Variants in DLK2 observed in about 807,000 individuals in gnomAD.
DLK2 encodes the protein protein delta homolog 2.
Under a neutral mutation model 31.3 loss-of-function variants are expected in DLK2, and 9 were observed. The observed-to-expected ratio is 0.29, with a 90% CI of 0.17 to 0.50. The LOEUF is 0.50. DLK2 is among the 20% of genes least tolerant of loss of function. The probability of loss-of-function intolerance (pLI) is 0.98; values close to 1 mark genes in which losing one functional copy is unlikely to be tolerated. For synonymous variants in DLK2, 169 were observed against 201.2 expected (o/e 0.84, Z 1.35); for missense variants, 387 against 526.1 (o/e 0.74, Z 2.59).
Position 43,454,781 on chromosome 6 carries a change from G to A in DLK2, c.45C>T (p.Cys15=). 1.3e-6 allele frequency: 2 copies of A among 1,554,980 alleles called. No individual in the cohort carries two copies. Among genetic ancestry groups the A allele is most frequent in the Non-Finnish European group, 1.7e-6 (2 of 1,157,104 alleles). Residue 15 remains cysteine, a synonymous_variant, in exon 2 of 6, where the codon TGC becomes TGT. Transcript: ENST00000372488. The part of the protein sequence containing the change: ...CRCLHLVCLL[C]ILGAPGQPVR... ...CAGGCTGACCGGGAGCCCCCAGAAT[G>A]CACAACAGGCACACGAGATGCAGGC...
At chr6:43,455,141 G>C (rs2127425080) in intron 1 of DLK2, 1 of 970,214 alleles carries the variant, frequency 1.0e-6, no homozygotes, top group Non-Finnish European at 1.2e-6. Flanking sequence ...GGCTGGGGTT[G>C]GGATCGTAGT....
At chr6:43,452,178 G>C (rs1783789501) in intron 4 of DLK2, 94 bp from the exon 5 acceptor site, 8 of 1,552,364 alleles carry the variant, frequency 5.2e-6, no homozygotes, top group Non-Finnish European at 7.0e-6. Flanking sequence ...GGTTCTGTAG[G>C]TGTGGCTATA....
Position 43,451,108 on chromosome 6 carries a change from G to T in DLK2, c.583C>A (p.Arg195Ser), listed in dbSNP as rs370997475. 1.1e-5 allele frequency: 18 copies of T among 1,614,216 alleles called. No individual in the cohort carries two copies. Among genetic ancestry groups the T allele is most frequent in the Non-Finnish European group, 1.5e-5 (18 of 1,180,038 alleles). Reference sequence around the variant, plus strand: ...CCCTCAGGACAGAGGCAGGAGAAGCGGTTTATGCCGTCAAGGCAGGTGGCA... The same window carrying T: ...CCCTCAGGACAGAGGCAGGAGAAGCTGTTTATGCCGTCAAGGCAGGTGGCA... ...NGATCLDGINRFSCLCPEGFA... is the reference protein window; with the variant it reads ...NGATCLDGINSFSCLCPEGFA... The change falls in exon 6 of 6, where the codon CGC becomes AGC. Residue 195 changes from arginine to serine, a missense_variant. Coordinates refer to ENST00000372488, the MANE Select transcript of DLK2 (RefSeq NM_023932.4). This position sits in a 1 kb window ranked among gnomAD's most constrained non-coding sequence, Gnocchi z 4.4.
At chr6:43,455,130 T>G in intron 1 of DLK2, 4 of 973,000 alleles carry the variant, frequency 4.1e-6, no homozygotes, top group Non-Finnish European at 4.9e-6. Context: ...GGCGCGGGAA[T>G]GGCTGGGGTT....
rs575162146 is a variant in DLK2 at position 43,453,167 on chromosome 6, G to A, written c.141-32C>T. The A allele has an allele frequency of 1.3e-5, 21 of 1,565,628 alleles. No individual in the cohort carries two copies. The South Asian group carries it at 2.1e-4, about 15-fold the overall frequency. ...GGGAGAAGCACAGGGTCAGGGCTCT[G>A]GGTCATGGATGTGAAGAAATGGAGG... On this transcript the variant is annotated intron_variant, in intron 3 of 5. Transcript: ENST00000372488. This position sits in a 1 kb window ranked among gnomAD's most constrained non-coding sequence, Gnocchi z 4.1.
chr6:43,451,759 CA>C lies in DLK2; in HGVS notation c.416+180del, dbSNP rs1222310539. Among the ~76,000 whole-genome samples, 5 of 146,500 alleles carry C rather than the reference CA, an allele frequency of 3.4e-5. No individual in the cohort carries two copies. Among genetic ancestry groups the C allele is most frequent in the African/African-American group, 7.5e-5 (3 of 40,052 alleles). ...TGTTGAAGAAATGGCTCAGAAGGTA[CA>C]AAAAAAAAAGTTGAGAAACCCTGAA... On this transcript the variant is annotated intron_variant, in intron 5 of 5. Coordinates refer to ENST00000372488, the MANE Select transcript of DLK2 (RefSeq NM_023932.4). This position sits in a 1 kb window ranked among gnomAD's most constrained non-coding sequence, Gnocchi z 4.4.
rs1171874691 is a variant in DLK2 at position 43,451,227 on chromosome 6, G to A, written c.464C>T (p.Ala155Val). ...CAAGCAGCGGCACGTGAAGTTGAGA[G>A]CAAAGCCCTGGTCGTCCTGGCACTG... ...GGQCQDDQGF[A>V]LNFTCRCLVG... Residue 155 changes from alanine to valine, a missense_variant, in exon 6 of 6, where the codon GCT becomes GTT. Physicochemically the swap from Ala to Val is moderately conservative, Grantham distance 64. Transcript: ENST00000372488. This position sits in a 1 kb window ranked among gnomAD's most constrained non-coding sequence, Gnocchi z 4.4. 4 of 1,614,062 alleles carry A rather than the reference G, an allele frequency of 2.5e-6. No individual in the cohort carries two copies.
rs753645907 is a variant in DLK2 at position 43,451,906 on chromosome 6, A to G, written c.416+34T>C. Reference sequence around the variant, plus strand: ...TCATCCCATCACCAGGTTCTGGTCTAACCTTCCACTCACCCTGAGGGCCCA... The same window carrying G: ...TCATCCCATCACCAGGTTCTGGTCTGACCTTCCACTCACCCTGAGGGCCCA... On this transcript the variant is annotated intron_variant, in intron 5 of 5. Coordinates refer to ENST00000372488, the MANE Select transcript of DLK2 (RefSeq NM_023932.4). The surrounding 1 kb of genome is among the most constrained non-coding windows in gnomAD (Gnocchi z 4.4). The G allele has an allele frequency of 1.4e-5, 23 of 1,612,272 alleles. No individual in the cohort carries two copies. Among genetic ancestry groups the G allele is most frequent in the Admixed American group, 1.2e-4 (7 of 59,884 alleles).
chr6:43,456,346 G>A (rs1346002197), upstream of DLK2: 1 of 152,640 alleles, frequency 6.6e-6, no homozygotes, highest in Admixed American at 6.5e-5. Context: ...AGAGAGTAAC[G>A]GAGGGGGAGT....
chr6:43,455,839 A>T (rs1783967044), upstream of DLK2: 3 of 152,830 alleles, frequency 2.0e-5, no homozygotes, highest in Non-Finnish European at 2.9e-5. Context: ...TTTCCCGACC[A>T]GCGCTCCGCG....
chr6:43,454,325 T>C, intron 3 of DLK2, 86 bp downstream of exon 3: 1 of 1,311,014 alleles, frequency 7.6e-7, no homozygotes, highest in Non-Finnish European at 1.1e-6. Context: ...AAGAGTAGAG[T>C]CTGAAGCCCC....
rs946836041 is a variant in DLK2 at position 43,453,621 on chromosome 6, C to T, written c.141-486G>A. Among the ~76,000 whole-genome samples the T allele has an allele frequency of 6.6e-6, 1 of 152,078 alleles. No homozygotes were observed. The highest frequency in any genetic ancestry group is 2.4e-5 in the African/African-American group (1 of 41,412). Reference sequence around the variant, plus strand: ...CAGCCTGGCCAACTGGGTGAAACCCCGTCTCTACAAAAAATACAAAAAATT... The same window carrying T: ...CAGCCTGGCCAACTGGGTGAAACCCTGTCTCTACAAAAAATACAAAAAATT... On this transcript the variant is annotated intron_variant, in intron 3 of 5. Coordinates refer to ENST00000372488, the MANE Select transcript of DLK2 (RefSeq NM_023932.4). The surrounding 1 kb of genome is among the most constrained non-coding windows in gnomAD (Gnocchi z 4.1).
Position 43,450,375 on chromosome 6 carries a change from A to G in DLK2, c.*164T>C. 1 of 1,033,682 alleles carries G rather than the reference A, an allele frequency of 9.7e-7. No individual in the cohort carries two copies. The highest frequency in any genetic ancestry group is 3.3e-5 in the Admixed American group (1 of 29,858). 64.0% of individuals were successfully genotyped at this position (1,033,682 alleles called of 1,614,324 possible). A position where few individuals can be genotyped will look rare whatever the true frequency, so the allele number is the denominator to read the frequency against. On this transcript the variant is annotated 3_prime_UTR_variant, in exon 6 of 6. Coordinates refer to ENST00000372488, the MANE Select transcript of DLK2 (RefSeq NM_023932.4). The surrounding 1 kb of genome is among the most constrained non-coding windows in gnomAD (Gnocchi z 4.5). ...ACTTGCATTTTCATAGTTTTATTTG[A>G]TAAAATTCCATCTTACATTCTGTGT...
At position 43,453,001 on chromosome 6, in the gene DLK2, CT is replaced by C. The variant is rs762307675; in HGVS notation, c.271+3del. The C allele has an allele frequency of 5.1e-5, 82 of 1,613,918 alleles. No homozygotes were observed. Among genetic ancestry groups the C allele is most frequent in the Non-Finnish European group, 2.7e-5 (32 of 1,179,980 alleles). On this transcript the variant is annotated splice_donor_region_variant and intron_variant, in intron 4 of 5. Coordinates refer to ENST00000372488, the MANE Select transcript of DLK2 (RefSeq NM_023932.4). The surrounding 1 kb of genome is among the most constrained non-coding windows in gnomAD (Gnocchi z 4.1). ...AACCAAAAGCTACCCTTCCTCCCCC[CT>C]ACCTTTGTCACAGAACTTGCCTGCC...
chr6:43,452,970 G>C (rs369823535), intron 4 of DLK2, 35 bp downstream of exon 4: 95 of 1,613,276 alleles, frequency 5.9e-5, no homozygotes, highest in Non-Finnish European at 5.2e-5. Flanking sequence ...AGAACATGGG[G>C]TTCCCAACCA....
chr6:43,452,224 G>A, intron 4 of DLK2, 140 bp from the exon 5 acceptor site: 1 of 1,260,936 alleles, frequency 7.9e-7, no homozygotes, highest in Non-Finnish European at 1.1e-6. Context: ...GGTATGCTAG[G>A]GAGAGACAAC....
upstream of DLK2, chr6:43,455,622 GCCCGCC>G (rs1416329398): frequency 9.3e-5 from 11 of 118,366 alleles, no homozygotes; most frequent in Admixed American, 3.2e-4. Flanking sequence ...CAGGGGCGGA[GCCCGCC>G]CCCACCCCCA....
Position 43,454,459 on chromosome 6 carries a change from G to A in DLK2, c.92C>T (p.Ser31Phe), listed in dbSNP as rs1179523053. 4.4e-6 allele frequency: 7 copies of A among 1,598,222 alleles called. No individual in the cohort carries two copies. The highest frequency in any genetic ancestry group is 5.1e-6 in the Non-Finnish European group (6 of 1,174,036). The change falls in exon 3 of 6, where the codon TCC becomes TTC. Residue 31 changes from serine (S) to phenylalanine (F), a missense_variant. Physicochemically the swap from Ser to Phe is radical, Grantham distance 155. Transcript: ENST00000372488. ...GCAGCCGTGGGCCAGGTCACAGTGG[G>A]AGCTGCAGTCATCGGCTGCAAGAGA... ...GQPVRADDCS[S>F]HCDLAHGCCA...
In DLK2 at chr6:43,450,913, C is replaced by G. The variant is rs375804004; in HGVS notation, c.778G>C (p.Val260Leu). ...VLPVPDPPTT[V>L]DTPLGPTSAV... ...GAGGTGGGCCCTAGAGGGGTGTCCA[C>G]TGTGGTTGGGGGGTCTGGGACAGGT... Residue 260 changes from valine to leucine, a missense_variant, in exon 6 of 6, where the codon GTG (valine) becomes CTG (leucine). Physicochemically the swap from Val to Leu is conservative, Grantham distance 32. Transcript: ENST00000372488. This position sits in a 1 kb window ranked among gnomAD's most constrained non-coding sequence, Gnocchi z 4.5. 1 of 1,614,222 alleles carries G rather than the reference C, an allele frequency of 6.2e-7. No individual in the cohort carries two copies. Among genetic ancestry groups the G allele is most frequent in the South Asian group, 1.1e-5 (1 of 91,090 alleles).
Sources: gnomAD v4.1 joint callset for allele counts (sites outside exome capture counted in the v4.1 genomes callset) on GRCh38, gnomAD v4.1.1 for gene constraint, Gnocchi (gnomAD v3.1) non-coding constraint, MANE v1.5 for transcripts, NCBI Gene and HGNC (gene_info 2026-07-23, HGNC 2026-07-21) for gene names.